Variants in LRBA observed in about 807,000 individuals in gnomAD.
LRBA encodes the protein LPS responsive beige-like anchor protein, also known as lipopolysaccharide-responsive and beige-like anchor protein.
Under a neutral mutation model 330.0 loss-of-function variants are expected in LRBA, and 176 were observed. The observed-to-expected ratio is 0.53, with a 90% CI of 0.47 to 0.60. The LOEUF is 0.60. Ranked by LOEUF, LRBA falls within the 20% of genes least tolerant of loss-of-function variation. LRBA has a pLI of 0.00. For synonymous variants in LRBA, 1,230 were observed against 1,193.0 expected (o/e 1.03, Z -0.64); for missense variants, 3,259 against 3,444.8 (o/e 0.95, Z 1.35).
At position 150,325,815 on chromosome 4, in the gene LRBA, C is replaced by G; in HGVS notation, c.7446G>C (p.Met2482Ile). ...GAGTAAAAATAGCACTTACCACTTG[C>G]ATGGCAGAACCTCTGGGAGGATGGG... is the stretch of plus-strand genomic sequence containing the variant. ...IEPHPPRGSA[M>I]QVSPLMFTDK... Residue 2482 changes from methionine to isoleucine, a missense_variant, in exon 49 of 57, where the codon ATG (methionine) becomes ATC (isoleucine). By Grantham distance (10) the Met-to-Ile change is conservative. Transcript: ENST00000651943. 6.2e-7 allele frequency: 1 copy of G among 1,611,546 alleles called. No individual in the cohort carries two copies. Among genetic ancestry groups the G allele is most frequent in the South Asian group, 1.1e-5 (1 of 90,988 alleles).
At chr4:150,923,837 T>A (rs770589596) in intron 4 of LRBA, among the ~76,000 whole-genome samples, 10 of 152,212 alleles carry the variant, frequency 6.6e-5, no homozygotes, top group Non-Finnish European at 1.3e-4. Flanking sequence ...TTCATCTTAT[T>A]TTTATAGATG....
chr4:150,694,101 C>T (rs978415155), intron 36 of LRBA, among the ~76,000 whole-genome samples: 7 of 152,092 alleles, frequency 4.6e-5, no homozygotes, highest in Non-Finnish European at 8.8e-5. Flanking sequence ...CTCTCTTCTA[C>T]CTCCTCCCTG....
chr4:150,456,349 T>C (rs1754063703), intron 44 of LRBA, among the ~76,000 whole-genome samples: 2 of 152,182 alleles, frequency 1.3e-5, no homozygotes, highest in Non-Finnish European at 2.9e-5. Flanking sequence ...TGCTTGCCTT[T>C]TGGACATAAG....
intron 2 of LRBA, among the ~76,000 whole-genome samples, chr4:150,998,771 C>T (rs1303049335): frequency 6.6e-6 from 1 of 152,258 alleles, no homozygotes; most frequent in African/African-American, 2.4e-5. Context: ...ATAACAATTG[C>T]TCATCTGCCT....
rs760141453 is a variant in LRBA at position 150,683,721 on chromosome 4, G to C, written c.5755-4C>G. ...CAGAATACTGGGCACACAGTGACTTGGAGAGAAAAAAAAATAATACTATAA... is the reference window on the plus strand; with the variant it reads ...CAGAATACTGGGCACACAGTGACTTCGAGAGAAAAAAAAATAATACTATAA... On this transcript the variant is annotated splice_region_variant and splice_polypyrimidine_tract_variant and intron_variant, in intron 36 of 56. Transcript: ENST00000651943. The C allele has an allele frequency of 2.0e-5, 32 of 1,566,006 alleles. No individual in the cohort carries two copies. The highest frequency in any genetic ancestry group is 2.7e-5 in the Non-Finnish European group (31 of 1,153,132).
chr4:150,676,981 A>C (rs1282990880), intron 37 of LRBA, among the ~76,000 whole-genome samples: 1 of 152,196 alleles, frequency 6.6e-6, no homozygotes, highest in African/African-American at 2.4e-5. Context: ...TTAATCTCTG[A>C]ATCAATCTTA....
intron 42 of LRBA, among the ~76,000 whole-genome samples, chr4:150,473,378 G>A (rs1170769348): frequency 6.6e-6 from 1 of 152,126 alleles, no homozygotes; most frequent in Non-Finnish European, 1.5e-5. Context: ...CAGCTTGACT[G>A]GATTAAGTGA....
At chr4:150,278,051 T>G (rs766363138) in intron 55 of LRBA, 47 bp from the exon 56 acceptor site, 2 of 1,580,866 alleles carry the variant, frequency 1.3e-6, no homozygotes, top group African/African-American at 2.7e-5. Context: ...CTAGGAAACT[T>G]TCGGCCCCCA....
intron 42 of LRBA, among the ~76,000 whole-genome samples, chr4:150,480,998 C>T (rs542092742): frequency 2.0e-5 from 3 of 152,280 alleles, no homozygotes; most frequent in South Asian, 4.1e-4. Context: ...CTCCCCACTA[C>T]CCTTTTGATC....
At chr4:150,803,075 A>AATATATAT (rs34393177) in intron 33 of LRBA, among the ~76,000 whole-genome samples, 2 of 129,884 alleles carry the variant, frequency 1.5e-5, no homozygotes, top group African/African-American at 2.9e-5. Context: ...ACAAAAAAAA[A>AATATATAT]ATATATATAC....
At chr4:150,503,636 G>A (rs1015118071) in intron 40 of LRBA, among the ~76,000 whole-genome samples, 1 of 152,026 alleles carries the variant, frequency 6.6e-6, no homozygotes, top group African/African-American at 2.4e-5. Flanking sequence ...CCACAAAGAT[G>A]GGGAAAAAAC....
At chr4:150,417,953 TCAA>T (rs1202835263) in intron 46 of LRBA, among the ~76,000 whole-genome samples, 2 of 151,980 alleles carry the variant, frequency 1.3e-5, no homozygotes, top group Non-Finnish European at 2.9e-5. Context: ...TTCAGGTTAC[TCAA>T]CAAATTGACA....
intron 53 of LRBA, among the ~76,000 whole-genome samples, chr4:150,290,680 C>G (rs1728168719): frequency 6.6e-6 from 1 of 152,156 alleles, no homozygotes; most frequent in South Asian, 2.1e-4. Context: ...TTTATGACTA[C>G]TGATGCAAAT....
chr4:150,766,115 A>AGTAAT (rs1450066362), intron 34 of LRBA, among the ~76,000 whole-genome samples: 4 of 152,092 alleles, frequency 2.6e-5, no homozygotes. Flanking sequence ...CTATAAACCC[A>AGTAAT]TATTTGTTAA....
intron 53 of LRBA, among the ~76,000 whole-genome samples, chr4:150,294,105 C>A (rs886428710): frequency 3.9e-5 from 6 of 152,168 alleles, no homozygotes; most frequent in Non-Finnish European, 8.8e-5. Flanking sequence ...GGGGGGTTGG[C>A]ACCCCGACTC....
intron 52 of LRBA, among the ~76,000 whole-genome samples, chr4:150,303,556 C>T (rs934120592): frequency 6.6e-6 from 1 of 152,008 alleles, no homozygotes; most frequent in Admixed American, 6.6e-5. Context: ...AAAGCCCTCA[C>T]CCTTTTTTGT....
At chr4:150,611,894 G>T (rs1433917157) in intron 37 of LRBA, among the ~76,000 whole-genome samples, 2 of 151,376 alleles carry the variant, frequency 1.3e-5, no homozygotes, top group East Asian at 3.9e-4. Flanking sequence ...ATTTCTACGC[G>T]CTCTCTCTCT....
intron 2 of LRBA, among the ~76,000 whole-genome samples, chr4:150,989,564 G>C (rs1434963701): frequency 6.6e-6 from 1 of 152,068 alleles, no homozygotes; most frequent in Non-Finnish European, 1.5e-5. Flanking sequence ...AGTGAGCCGA[G>C]ATCACGCCAC....
At chr4:150,281,742 A>G (rs992246682) in intron 55 of LRBA, among the ~76,000 whole-genome samples, 8 of 151,974 alleles carry the variant, frequency 5.3e-5, no homozygotes, top group African/African-American at 1.9e-4. Context: ...TTTAACCTTC[A>G]CCAAGGAGTT....
Sources: gnomAD v4.1 joint callset for allele counts (sites outside exome capture counted in the v4.1 genomes callset) on GRCh38, gnomAD v4.1.1 for gene constraint, MANE v1.5 for transcripts, NCBI Gene and HGNC (gene_info 2026-07-23, HGNC 2026-07-21) for gene names.